Variants in DLG2 observed in about 807,000 individuals in gnomAD.
DLG2 encodes the protein disks large homolog 2.
A neutral mutation model predicts 132.5 loss-of-function variants in DLG2; 45 were observed. The ratio of observed to expected loss-of-function variants is 0.34; its 90% confidence interval spans 0.27 to 0.44. The LOEUF (loss-of-function observed/expected upper bound fraction) is 0.44, where lower values mean the gene tolerates loss of function less well. Ranked by LOEUF, DLG2 falls within the 20% of genes least tolerant of loss-of-function variation. The pLI is 1.00. For missense variants in DLG2, 1,045 were observed against 1,196.9 expected (o/e 0.87, Z 1.87); for synonymous variants, 424 against 419.6 (o/e 1.01, Z -0.13).
intron 6 of DLG2, among the ~76,000 whole-genome samples, chr11:84,742,807 CCCT>C (rs1335020886): frequency 6.6e-6 from 1 of 152,106 alleles, no homozygotes; most frequent in East Asian, 1.9e-4. Context: ...GCCTATTCAT[CCCT>C]TTACCTACTC....
At chr11:84,314,677 A>G (rs2098336610) in intron 7 of DLG2, among the ~76,000 whole-genome samples, 1 of 151,988 alleles carries the variant, frequency 6.6e-6, no homozygotes, top group Non-Finnish European at 1.5e-5. Context: ...AATTGAAATA[A>G]TATAGAACTC....
intron 6 of DLG2, among the ~76,000 whole-genome samples, chr11:84,620,913 A>C (rs1424272654): frequency 6.6e-6 from 1 of 152,186 alleles, no homozygotes; most frequent in East Asian, 1.9e-4. Context: ...CATTGTTTGC[A>C]GTAGCAAAAA....
At chr11:84,360,581 A>G (rs2098643926) in intron 7 of DLG2, among the ~76,000 whole-genome samples, 1 of 152,016 alleles carries the variant, frequency 6.6e-6, no homozygotes. Flanking sequence ...TTCAGGAAAG[A>G]GAAAGAAATA....
intron 6 of DLG2, among the ~76,000 whole-genome samples, chr11:84,995,568 G>C (rs1489684314): frequency 6.6e-6 from 1 of 152,028 alleles, no homozygotes; most frequent in African/African-American, 2.4e-5. Flanking sequence ...ATCACAACTA[G>C]CAACACTTTG....
chr11:84,049,716 G>C (rs911017894), intron 11 of DLG2, among the ~76,000 whole-genome samples: 1 of 151,706 alleles, frequency 6.6e-6, no homozygotes, highest in African/African-American at 2.4e-5. Flanking sequence ...CTTAATCTGG[G>C]TTGTTGATAT....
intron 3 of DLG2, among the ~76,000 whole-genome samples, chr11:85,561,423 T>C (rs775289932): frequency 1.8e-4 from 21 of 118,952 alleles, no homozygotes; most frequent in Non-Finnish European, 3.5e-4. Context: ...ATGACAAAAA[T>C]ATTTTCAAAA....
At chr11:84,046,936 G>T (rs958441486) in intron 11 of DLG2, among the ~76,000 whole-genome samples, 1 of 151,608 alleles carries the variant, frequency 6.6e-6, no homozygotes, top group Non-Finnish European at 1.5e-5. Context: ...ACAGCTTAGT[G>T]GCATTAGGAG....
Position 83,713,133 on chromosome 11 carries a change from C to T in DLG2, c.1825+73557G>A, listed in dbSNP as rs141361932. Among the ~76,000 whole-genome samples the T allele has an allele frequency of 7.1e-4, 108 of 152,220 alleles. No individual in the cohort carries two copies. The East Asian group carries it at 0.019, about 27-fold the overall frequency. ...CTTTCACATGTTTTCCTCCTTTAAT[C>T]TTTTTAAAACCCTTAAAATCTTATC... On this transcript the variant is annotated intron_variant, in intron 18 of 27. Coordinates refer to ENST00000376104, the MANE Select transcript of DLG2 (RefSeq NM_001142699.3).
chr11:83,508,599 T>C (rs749819082), intron 21 of DLG2, among the ~76,000 whole-genome samples: 9 of 151,938 alleles, frequency 5.9e-5, no homozygotes, highest in Admixed American at 2.6e-4. Flanking sequence ...CTCTGTGCCA[T>C]TGTCACAACA....
chr11:83,501,622 T>C (rs1375267602), intron 21 of DLG2, among the ~76,000 whole-genome samples: 1 of 152,216 alleles, frequency 6.6e-6, no homozygotes, highest in Non-Finnish European at 1.5e-5. Flanking sequence ...AAGGTCAAGC[T>C]AAAAGATAAA....
At chr11:84,282,175 A>G (rs1468256499) in intron 7 of DLG2, among the ~76,000 whole-genome samples, 1 of 152,260 alleles carries the variant, frequency 6.6e-6, no homozygotes, top group East Asian at 1.9e-4. Flanking sequence ...GTGTTCAGCA[A>G]TAAAAAAGAA....
chr11:83,690,227 T>A (rs2080737177), intron 18 of DLG2, among the ~76,000 whole-genome samples: 1 of 150,726 alleles, frequency 6.6e-6, no homozygotes, highest in Non-Finnish European at 1.5e-5. Flanking sequence ...TACCAAGATC[T>A]CCTAGACAGA....
chr11:83,659,360 G>A (rs773142311), intron 18 of DLG2, among the ~76,000 whole-genome samples: 1 of 152,160 alleles, frequency 6.6e-6, no homozygotes, highest in African/African-American at 2.4e-5. Flanking sequence ...CCAGACCAGA[G>A]CATCTGCAGG....
chr11:85,039,095 A>C (rs987296851), intron 6 of DLG2, among the ~76,000 whole-genome samples: 1 of 151,962 alleles, frequency 6.6e-6, no homozygotes, highest in Non-Finnish European at 1.5e-5. Flanking sequence ...GTCATTTTAG[A>C]TTCTAGTAAG....
intron 3 of DLG2, among the ~76,000 whole-genome samples, chr11:85,330,798 A>G (rs991345384): frequency 7.3e-6 from 1 of 136,592 alleles, no homozygotes; most frequent in Admixed American, 7.1e-5. Flanking sequence ...AAATTAAAAA[A>G]AAAAAAAAAA....
At chr11:83,473,907 T>C (rs570720579) in intron 22 of DLG2, among the ~76,000 whole-genome samples, 1 of 152,158 alleles carries the variant, frequency 6.6e-6, no homozygotes, top group East Asian at 1.9e-4. Context: ...AATTGAGCAA[T>C]ATGTGGGTAT....
intron 3 of DLG2, among the ~76,000 whole-genome samples, chr11:85,558,492 C>T (rs1158449181): frequency 1.3e-5 from 2 of 151,882 alleles, no homozygotes; most frequent in African/African-American, 4.8e-5. Flanking sequence ...CCTGCACTCA[C>T]ATGCTCATTG....
intron 2 of DLG2, among the ~76,000 whole-genome samples, chr11:85,607,790 T>G (rs2080687983): frequency 6.6e-6 from 1 of 152,164 alleles, no homozygotes; most frequent in South Asian, 2.1e-4. Context: ...TTCATATAAG[T>G]GAAGATAAAA....
intron 4 of DLG2, among the ~76,000 whole-genome samples, chr11:85,204,844 A>G (rs553863873): frequency 6.6e-6 from 1 of 152,278 alleles, no homozygotes; most frequent in South Asian, 2.1e-4. Flanking sequence ...ACACAGGCCA[A>G]TGAAACAGAA....
Sources: allele counts gnomAD v4.1 joint callset (sites outside exome capture counted in the v4.1 genomes callset), GRCh38; gene constraint gnomAD v4.1.1; transcripts MANE v1.5; gene names NCBI Gene and HGNC (gene_info 2026-07-23, HGNC 2026-07-21).